The following URAD variants were observed in gnomAD, a reference collection of about 807,000 sequenced individuals.
URAD encodes the protein putative 2-oxo-4-hydroxy-4-carboxy-5-ureidoimidazoline decarboxylase.
Under a neutral mutation model 4.6 loss-of-function variants are expected in URAD, and 4 were observed. That is an observed-to-expected ratio of 0.87 (90% CI 0.43 to 1.98). The LOEUF (loss-of-function observed/expected upper bound fraction) is 1.98, where lower values mean the gene tolerates loss of function less well. Among genes scored for constraint, URAD ranks in the 30% most tolerant of loss-of-function variants. The pLI is 0.03. For missense variants in URAD, 300 were observed against 255.3 expected (o/e 1.18, Z -1.19); for synonymous variants, 144 against 118.2 (o/e 1.22, Z -1.41).
chr13:27,979,476 G>T (rs1465109775), intron 1 of URAD, among the ~76,000 whole-genome samples: 2 of 152,192 alleles, frequency 1.3e-5, no homozygotes, highest in Admixed American at 1.3e-4. Flanking sequence ...TGCGGGTGAC[G>T]CCTAACTTGC....
At position 27,977,846 on chromosome 13, in the gene URAD, G is replaced by A. The variant is rs976040586; in HGVS notation, c.*260C>T. 6 of 432,284 alleles carry A rather than the reference G, an allele frequency of 1.4e-5. No homozygotes were observed. In the South Asian group the frequency reaches 3.2e-4, roughly 23 times the overall value. 26.8% of individuals were successfully genotyped at this position (432,284 alleles called of 1,614,324 possible). ...GGTGGTGTCGGGGGCCGCAAAGGGA[G>A]TGAAGAATTGAAGCAGTGAGCTGGA... On this transcript the variant is annotated 3_prime_UTR_variant, in exon 2 of 2. Coordinates refer to ENST00000332715, the MANE Select transcript of URAD (RefSeq NM_001105577.2).
chr13:27,980,788 C>T (rs553899422), intron 1 of URAD, among the ~76,000 whole-genome samples: 2 of 152,222 alleles, frequency 1.3e-5, no homozygotes, highest in East Asian at 3.9e-4. Flanking sequence ...CCCCGAGCCC[C>T]CTTCTTGCCC....
intron 1 of URAD, among the ~76,000 whole-genome samples, chr13:27,986,965 G>A (rs1323221235): frequency 6.6e-6 from 1 of 152,304 alleles, no homozygotes; most frequent in South Asian, 2.1e-4. Context: ...CCTCAGCTAT[G>A]GAGAGGCCCC....
At chr13:27,986,278 C>T (rs77657853) in intron 1 of URAD, among the ~76,000 whole-genome samples, 1,655 of 152,326 alleles carry the variant, frequency 0.011, 10 homozygotes, top group Non-Finnish European at 0.018. Context: ...ATTCAGCAAA[C>T]TTTGATTAAG....
Position 27,978,267 on chromosome 13 carries a change from G to A in URAD, c.361C>T (p.Leu121Phe), listed in dbSNP as rs1322366967. Residue 121 changes from leucine to phenylalanine, a missense_variant, in exon 2 of 2, where the codon CTC becomes TTC. By Grantham distance (22) the Leu-to-Phe change is conservative (BLOSUM62 0). Transcript: ENST00000332715. The stretch of plus-strand genomic sequence containing the variant: ...GTCCGGTCGCTGAAGCGCGCGGCGA[G>A]CACGAAGGGGAAACCGAAGCGCGCG... ...YRARFGFPFV[L>F]AARFSDRTAV... 4.2e-6 allele frequency: 6 copies of A among 1,432,398 alleles called. No individual in the cohort carries two copies. The highest frequency in any genetic ancestry group is 5.4e-6 in the Non-Finnish European group (6 of 1,102,488). The allele number at this position is 1,432,398 out of a possible 1,614,324, so 88.7% of individuals were successfully genotyped here.
In URAD at chr13:27,977,863, T is replaced by C. The variant is rs1869754517; in HGVS notation, c.*243A>G. On this transcript the variant is annotated 3_prime_UTR_variant, in exon 2 of 2. Coordinates refer to ENST00000332715, the MANE Select transcript of URAD (RefSeq NM_001105577.2). ...CAAAGGGAGTGAAGAATTGAAGCAG[T>C]GAGCTGGATAAATCCGGGGCAAAGC... is the stretch of plus-strand genomic sequence containing the variant. 6.7e-6 allele frequency: 3 copies of C among 445,650 alleles called. No homozygotes were observed. The highest frequency in any genetic ancestry group is 1.2e-5 in the Non-Finnish European group (3 of 254,612). The allele number at this position is 445,650 out of a possible 1,614,324, so 27.6% of individuals were successfully genotyped here. A position where few individuals can be genotyped will look rare whatever the true frequency, so the allele number is the denominator to read the frequency against.
intron 1 of URAD, among the ~76,000 whole-genome samples, chr13:27,987,825 T>G (rs1870072208): frequency 1.3e-5 from 2 of 152,062 alleles, no homozygotes; most frequent in African/African-American, 4.8e-5. Context: ...GGAAACTTAC[T>G]GAACCTTCCA....
At chr13:27,985,615 T>A (rs368981128) in intron 1 of URAD, among the ~76,000 whole-genome samples, 13 of 152,338 alleles carry the variant, frequency 8.5e-5, no homozygotes, top group African/African-American at 3.1e-4. Flanking sequence ...TTTATCTTAA[T>A]CAAATACATT....
chr13:27,984,277 G>A (rs1017128529), intron 1 of URAD, among the ~76,000 whole-genome samples: 7 of 152,132 alleles, frequency 4.6e-5, no homozygotes, highest in Middle Eastern at 3.2e-3. Context: ...ACACAAATCC[G>A]TCCTGAATTT....
intron 1 of URAD, among the ~76,000 whole-genome samples, chr13:27,982,398 G>T (rs1009883985): frequency 2.6e-5 from 4 of 152,116 alleles, no homozygotes; most frequent in Non-Finnish European, 5.9e-5. Context: ...TCCAACTTGG[G>T]TGACAGAGCA....
Position 27,978,053 on chromosome 13 carries a change from C to T in URAD, c.*53G>A, listed in dbSNP as rs1036411373. On this transcript the variant is annotated 3_prime_UTR_variant, in exon 2 of 2. Transcript: ENST00000332715. ...CCGCCCAGGACGCACAGCTCCGGGC[C>T]GTGGCCCCCGCGCGTCCGGTTGTGC... The T allele has an allele frequency of 4.3e-5, 59 of 1,377,450 alleles. No homozygotes were observed. The highest frequency in any genetic ancestry group is 5.2e-5 in the Non-Finnish European group (55 of 1,067,408). The allele number at this position is 1,377,450 out of a possible 1,614,324, so 85.3% of individuals were successfully genotyped here. A position where few individuals can be genotyped will look rare whatever the true frequency, so the allele number is the denominator to read the frequency against.
intron 1 of URAD, among the ~76,000 whole-genome samples, chr13:27,982,645 C>T (rs1226281373): frequency 6.6e-6 from 1 of 152,156 alleles, no homozygotes; most frequent in East Asian, 1.9e-4. Context: ...CAGTGTTTCA[C>T]CAAGCTCCTC....
At position 27,978,268 on chromosome 13, in the gene URAD, C is replaced by A. The variant is rs1347900744; in HGVS notation, c.360G>T (p.Val120=). The change falls in exon 2 of 2, where the codon GTG becomes GTT. Residue 120 remains valine (V), a synonymous_variant. Coordinates refer to ENST00000332715, the MANE Select transcript of URAD (RefSeq NM_001105577.2). ...QYRARFGFPF[V]LAARFSDRTA... is the part of the protein sequence containing the mutation. ...TCCGGTCGCTGAAGCGCGCGGCGAG[C>A]ACGAAGGGGAAACCGAAGCGCGCGC... is the stretch of plus-strand genomic sequence containing the variant. 4.9e-6 allele frequency: 7 copies of A among 1,432,030 alleles called. No individual in the cohort carries two copies. The highest frequency in any genetic ancestry group is 6.4e-6 in the Non-Finnish European group (7 of 1,102,342). The allele number at this position is 1,432,030 out of a possible 1,614,324, so 88.7% of individuals were successfully genotyped here. A position where few individuals can be genotyped will look rare whatever the true frequency, so the allele number is the denominator to read the frequency against.
In URAD at chr13:27,977,773, G is replaced by T; in HGVS notation, c.*333C>A. 1 of 326,812 alleles carries T rather than the reference G, an allele frequency of 3.1e-6. No homozygotes were observed. The highest frequency in any genetic ancestry group is 5.6e-6 in the Non-Finnish European group (1 of 179,564). The allele number at this position is 326,812 out of a possible 1,614,324, so 20.2% of individuals were successfully genotyped here. A position where few individuals can be genotyped will look rare whatever the true frequency, so the allele number is the denominator to read the frequency against. On this transcript the variant is annotated 3_prime_UTR_variant, in exon 2 of 2. Coordinates refer to ENST00000332715, the MANE Select transcript of URAD (RefSeq NM_001105577.2). Reference sequence around the variant, plus strand: ...TTGCTTTGCAGTTCGGGCTTAGCAGGAGAGGGTTGGGGAGAACTGGATAAA... The same window carrying T: ...TTGCTTTGCAGTTCGGGCTTAGCAGTAGAGGGTTGGGGAGAACTGGATAAA...
chr13:27,984,701 G>C (rs1869968098), intron 1 of URAD, among the ~76,000 whole-genome samples: 3 of 152,210 alleles, frequency 2.0e-5, no homozygotes, highest in Admixed American at 1.3e-4. Flanking sequence ...TTTTAAGGCT[G>C]GGCGCGGTGG....
At chr13:27,983,432 T>C (rs1314203414) in intron 1 of URAD, among the ~76,000 whole-genome samples, 2 of 152,118 alleles carry the variant, frequency 1.3e-5, no homozygotes, top group African/African-American at 4.8e-5. Context: ...TTTCACCGTG[T>C]TGGCCAGGCT....
intron 1 of URAD, among the ~76,000 whole-genome samples, chr13:27,983,419 G>A (rs779716782): frequency 5.9e-5 from 9 of 151,904 alleles, no homozygotes; most frequent in Non-Finnish European, 1.2e-4. Context: ...AGTAGAGACC[G>A]GGTTTCACCG....
rs1051679495 is a variant in URAD at position 27,978,227 on chromosome 13, T to A, written c.401A>T (p.Glu134Val). The A allele has an allele frequency of 2.0e-6, 3 of 1,469,122 alleles. No homozygotes were observed. The highest frequency in any genetic ancestry group is 2.7e-6 in the Non-Finnish European group (3 of 1,120,404). The allele number at this position is 1,469,122 out of a possible 1,614,324, so 91.0% of individuals were successfully genotyped here. The change falls in exon 2 of 2, where the codon GAG becomes GTG. Residue 134 changes from glutamate to valine, a missense_variant. Coordinates refer to ENST00000332715, the MANE Select transcript of URAD (RefSeq NM_001105577.2). ...RFSDRTAVPR[E>V]LARRLLCPSA... ...CGGGCAGAGCAGCCGGCGCGCCAGC[T>A]CGCGCGGCACCGCCGTCCGGTCGCT...
intron 1 of URAD, among the ~76,000 whole-genome samples, chr13:27,979,688 G>A (rs1377819252): frequency 6.6e-6 from 1 of 152,208 alleles, no homozygotes; most frequent in Admixed American, 6.5e-5. Context: ...GTTGGAAAAG[G>A]CGCGCACGTA....
Sources: allele counts gnomAD v4.1 joint callset (sites outside exome capture counted in the v4.1 genomes callset), GRCh38; gene constraint gnomAD v4.1.1; transcripts MANE v1.5; gene names NCBI Gene and HGNC (gene_info 2026-07-23, HGNC 2026-07-21).